Variants in SLC30A5 observed in about 807,000 individuals in gnomAD.
The protein encoded by SLC30A5 is proton-coupled zinc antiporter SLC30A5.
A neutral mutation model predicts 79.6 loss-of-function variants in SLC30A5; 33 were observed. The ratio of observed to expected loss-of-function variants is 0.41; its 90% confidence interval spans 0.31 to 0.55. SLC30A5 has a LOEUF of 0.55. Among genes scored for constraint, SLC30A5 ranks in the 20% least tolerant of loss-of-function variants. SLC30A5 has a pLI of 0.20. For synonymous variants in SLC30A5, 299 were observed against 319.7 expected (o/e 0.94, Z 0.69); for missense variants, 788 against 928.1 (o/e 0.85, Z 1.96).
At chr5:69,106,478 A>T (rs1746081656) in intron 4 of SLC30A5, among the ~76,000 whole-genome samples, 1 of 152,128 alleles carries the variant, frequency 6.6e-6, no homozygotes, top group Non-Finnish European at 1.5e-5. Context: ...CTAGCTCCTG[A>T]CCTTATCACT....
intron 1 of SLC30A5, among the ~76,000 whole-genome samples, chr5:69,100,495 G>T (rs1386729124): frequency 6.6e-6 from 1 of 151,992 alleles, no homozygotes; most frequent in East Asian, 1.9e-4. Context: ...TAACAGTAGG[G>T]CGCGGTGGCT....
intron 14 of SLC30A5, among the ~76,000 whole-genome samples, chr5:69,125,156 G>A (rs1244591987): frequency 1.3e-5 from 2 of 151,800 alleles, no homozygotes; most frequent in East Asian, 3.9e-4. Context: ...TTGGGAGGCT[G>A]AGGTGAGCAG....
intron 1 of SLC30A5, among the ~76,000 whole-genome samples, chr5:69,099,750 G>A (rs1005649486): frequency 6.6e-6 from 1 of 152,064 alleles, no homozygotes; most frequent in Admixed American, 6.6e-5. Context: ...CCTATATTGT[G>A]GTCTTTTCAT....
At chr5:69,104,387 C>A in intron 3 of SLC30A5, 1 of 1,002,866 alleles carries the variant, frequency 1.0e-6, no homozygotes, top group Non-Finnish European at 1.3e-6. Flanking sequence ...GGTGATCTGC[C>A]TGCCTCGGCC....
chr5:69,117,269 G>A lies in SLC30A5; in HGVS notation c.1312G>A (p.Val438Met), dbSNP rs143278272. 2.1e-3 allele frequency: 3,343 copies of A among 1,612,910 alleles called. 10 individuals are homozygous for A. Among genetic ancestry groups the A allele is most frequent in the Non-Finnish European group, 2.2e-3 (2,634 of 1,179,550 alleles). The change falls in exon 11 of 16, where the codon GTG becomes ATG. Residue 438 changes from valine to methionine, a missense_variant. This residue lies in a region of SLC30A5 where 626 missense variants were observed against 755.5 expected (regional missense o/e 0.83). Coordinates refer to ENST00000396591, the MANE Select transcript of SLC30A5 (RefSeq NM_022902.5). ...LFTFVELFYG[V>M]LTNSLGLISD... ...TACCTTTGTGGAATTATTCTATGGC[G>A]TGCTGACCAATAGTCTGGGCCTGAT... is the stretch of plus-strand genomic sequence containing the variant.
rs28450427 is a variant in SLC30A5, at chr5:69,103,062, G to T, written c.207G>T (p.Gly69=). 5.3e-3 allele frequency: 7,855 copies of T among 1,485,604 alleles called. 325 individuals are homozygous for T. The African/African-American group carries it at 0.093, about 18-fold the overall frequency. The allele number at this position is 1,485,604 out of a possible 1,614,324, so 92.0% of individuals were successfully genotyped here. ...TATATTAATGTTTCAATATTTACAG[G>T]ACTGCATTTTTTATGGTTTTGTTTC... ...IVQFIFILKL[G]TAFFMVLFQK... The change falls in exon 3 of 16, where the codon GGG becomes GGT. Residue 69 remains glycine, a splice_region_variant and synonymous_variant. Coordinates refer to ENST00000396591, the MANE Select transcript of SLC30A5 (RefSeq NM_022902.5).
intron 15 of SLC30A5, among the ~76,000 whole-genome samples, chr5:69,129,223 A>G (rs1746784353): frequency 6.6e-6 from 1 of 152,208 alleles, no homozygotes; most frequent in African/African-American, 2.4e-5. Context: ...TACGCTTACC[A>G]GTTGAGCATC....
Position 69,094,213 on chromosome 5 carries a change from G to T in SLC30A5, c.-43G>T, listed in dbSNP as rs1745649070. 2 of 1,031,010 alleles carry T rather than the reference G, an allele frequency of 1.9e-6. No individual in the cohort carries two copies. The highest frequency in any genetic ancestry group is 4.3e-5 in the South Asian group (1 of 23,036). 63.9% of individuals were successfully genotyped at this position (1,031,010 alleles called of 1,614,324 possible). On this transcript the variant is annotated 5_prime_UTR_variant, in exon 1 of 16. Coordinates refer to ENST00000396591, the MANE Select transcript of SLC30A5 (RefSeq NM_022902.5). The stretch of plus-strand genomic sequence containing the variant: ...CCGCGGCAGCGGCGAGACATGAGGA[G>T]ACCCCGCGACAGGGGCAGCGGCGGC...
chr5:69,114,326 G>T, intron 6 of SLC30A5, 94 bp from the exon 7 acceptor site: 1 of 746,326 alleles, frequency 1.3e-6, no homozygotes. Context: ...CAGTCTATAT[G>T]CAATCCAAAA....
At chr5:69,109,292 C>T (rs1746167212) in intron 5 of SLC30A5, among the ~76,000 whole-genome samples, 1 of 151,874 alleles carries the variant, frequency 6.6e-6, no homozygotes. Flanking sequence ...TATATCAAAA[C>T]ATCTCGTATA....
At chr5:69,122,068 CATAAA>C (rs1746550889) in intron 13 of SLC30A5, among the ~76,000 whole-genome samples, 173 bp downstream of exon 13, 1 of 152,196 alleles carries the variant, frequency 6.6e-6, no homozygotes, top group Non-Finnish European at 1.5e-5. Flanking sequence ...CCTGAATACA[CATAAA>C]ATTAAATATT....
At chr5:69,098,504 T>C (rs1251597892) in intron 1 of SLC30A5, among the ~76,000 whole-genome samples, 1 of 152,208 alleles carries the variant, frequency 6.6e-6, no homozygotes, top group African/African-American at 2.4e-5. Context: ...ATTACTGAAA[T>C]CTGGATTTAG....
intron 15 of SLC30A5, among the ~76,000 whole-genome samples, chr5:69,128,379 G>T (rs1746761684): frequency 6.6e-6 from 1 of 150,746 alleles, no homozygotes; most frequent in Non-Finnish European, 1.5e-5. Flanking sequence ...AGCCTCCCAA[G>T]TCGCTGGGAT....
Position 69,100,946 on chromosome 5 carries a change from G to GTTTT in SLC30A5, c.206+20_206+23dup. ...AAAACTTGGGTGAGTGTGGGGGGGG[G>GTTTT]TTTTTTCTTGATATTTTTTATTTCT... is the stretch of plus-strand genomic sequence containing the variant. On this transcript the variant is annotated intron_variant, in intron 2 of 15. Coordinates refer to ENST00000396591, the MANE Select transcript of SLC30A5 (RefSeq NM_022902.5). 1 of 1,355,814 alleles carries GTTTT rather than the reference G, an allele frequency of 7.4e-7. No individual in the cohort carries two copies. Among genetic ancestry groups the GTTTT allele is most frequent in the Non-Finnish European group, 1.0e-6 (1 of 1,003,698 alleles). The allele number at this position is 1,355,814 out of a possible 1,614,324, so 84.0% of individuals were successfully genotyped here. A position where few individuals can be genotyped will look rare whatever the true frequency, so the allele number is the denominator to read the frequency against.
rs1471539431 is a variant in SLC30A5, at chr5:69,115,791, C to A, written c.784-135C>A. On this transcript the variant is annotated intron_variant, in intron 8 of 15. Coordinates refer to ENST00000396591, the MANE Select transcript of SLC30A5 (RefSeq NM_022902.5). ...GAGAAAATGTACCAATATCTTATAG[C>A]TTTTATATGTTGGCATATTATGAAT... The A allele has an allele frequency of 6.7e-5, 52 of 774,190 alleles. No individual in the cohort carries two copies. In the East Asian group the frequency reaches 7.3e-4, roughly 11 times the overall value. 48.0% of individuals were successfully genotyped at this position (774,190 alleles called of 1,614,324 possible).
intron 11 of SLC30A5, among the ~76,000 whole-genome samples, chr5:69,117,792 G>A (rs1417435203): frequency 3.3e-5 from 5 of 151,542 alleles, no homozygotes; most frequent in Admixed American, 1.3e-4. Flanking sequence ...CAGGAGAATC[G>A]CTTGAACCCA....
At chr5:69,104,121 A>G (rs2111947943) in intron 3 of SLC30A5, 7 of 1,428,210 alleles carry the variant, frequency 4.9e-6, no homozygotes, top group African/African-American at 4.4e-5. Flanking sequence ...AATGGAAAAC[A>G]GAATACTGTC....
chr5:69,108,155 T>C (rs78643014), intron 4 of SLC30A5, among the ~76,000 whole-genome samples, 194 bp from the exon 5 acceptor site: 2,367 of 152,366 alleles, frequency 0.016, 24 homozygotes, highest in Non-Finnish European at 0.025. Context: ...AGTGGTATGA[T>C]TAGGTATTTG....
chr5:69,100,674 C>G, intron 1 of SLC30A5, 133 bp from the exon 2 acceptor site: 2 of 590,480 alleles, frequency 3.4e-6, no homozygotes, highest in Non-Finnish European at 2.8e-6. Context: ...TGTTTGGGGA[C>G]TCTGTTTTGT....
Sources: gnomAD v4.1 joint callset for allele counts (sites outside exome capture counted in the v4.1 genomes callset) on GRCh38, gnomAD v4.1.1 for gene constraint, gnomAD v4.1.1 regional missense constraint, MANE v1.5 for transcripts, NCBI Gene and HGNC (gene_info 2026-07-23, HGNC 2026-07-21) for gene names.